Variants in LRRC4C observed in about 807,000 individuals in gnomAD.
LRRC4C encodes leucine rich repeat containing 4C.
In LRRC4C, 5 loss-of-function variants were observed where a neutral mutation model predicts 33.6. The observed-to-expected ratio is 0.15, with a 90% confidence interval of 0.08 to 0.31. LRRC4C has a LOEUF of 0.31. Ranked by LOEUF, LRRC4C falls within the 10% of genes least tolerant of loss-of-function variation. The probability of loss-of-function intolerance (pLI) is 1.00; values close to 1 mark genes in which losing one functional copy is unlikely to be tolerated. For synonymous variants in LRRC4C, 329 were observed against 302.0 expected (o/e 1.09, Z -0.93); for missense variants, 560 against 796.7 (o/e 0.70, Z 3.58).
chr11:41,125,938 C>T lies in LRRC4C; in HGVS notation c.-495-192215G>A, dbSNP rs151022254. ...CAAATAACATTGAAAATGTGATTTG[C>T]CTTTTGTGAGCTATGTAATGGGCAG... On this transcript the variant is annotated intron_variant, in intron 1 of 6. Coordinates refer to ENST00000528697, the MANE Select transcript of LRRC4C (RefSeq NM_001258419.2). 7.2e-5 allele frequency among the ~76,000 whole-genome samples: 11 copies of T among 151,970 alleles called. No individual in the cohort carries two copies. The East Asian group carries it at 1.2e-3, about 16-fold the overall frequency.
At chr11:40,730,535 G>A (rs769318506) in intron 2 of LRRC4C, among the ~76,000 whole-genome samples, 1 of 147,374 alleles carries the variant, frequency 6.8e-6, no homozygotes, top group Non-Finnish European at 1.5e-5. Context: ...GAGACTTAAA[G>A]GCAATAGATG....
intron 1 of LRRC4C, among the ~76,000 whole-genome samples, chr11:41,126,708 G>A (rs1201642923): frequency 6.6e-6 from 1 of 151,840 alleles, no homozygotes; most frequent in East Asian, 1.9e-4. Flanking sequence ...CTGATATATT[G>A]AGGCTTGATT....
intron 3 of LRRC4C, among the ~76,000 whole-genome samples, chr11:40,443,856 A>G (rs529376177): frequency 4.5e-4 from 68 of 152,340 alleles, no homozygotes; most frequent in African/African-American, 8.7e-4. Flanking sequence ...TCTAAACATC[A>G]TTAACCACCC....
At chr11:40,650,406 T>G (rs1418780773) in intron 2 of LRRC4C, among the ~76,000 whole-genome samples, 1 of 152,190 alleles carries the variant, frequency 6.6e-6, no homozygotes, top group African/African-American at 2.4e-5. Context: ...CTGTCTTTAC[T>G]TTCCTAACAA....
At chr11:40,126,735 C>T (rs974760180) in intron 6 of LRRC4C, among the ~76,000 whole-genome samples, 16 of 151,470 alleles carry the variant, frequency 1.1e-4, no homozygotes, top group African/African-American at 3.6e-4. Context: ...TCAGGGTGGG[C>T]AAATCACCTG....
chr11:40,303,484 C>T lies in LRRC4C; in HGVS notation c.-176+16144G>A, dbSNP rs532773496. ...CATAGGCTGCACGTTGTGGTTAGGC[C>T]TTTAAGGCAAGCTTATATTAGATTA... is the stretch of plus-strand genomic sequence containing the variant. On this transcript the variant is annotated intron_variant, in intron 4 of 6. Coordinates refer to ENST00000528697, the MANE Select transcript of LRRC4C (RefSeq NM_001258419.2). Among the ~76,000 whole-genome samples the T allele has an allele frequency of 4.8e-3, 736 of 152,188 alleles. 7 individuals are homozygous for T. The highest frequency in any genetic ancestry group is 0.017 in the African/African-American group (700 of 41,520).
At chr11:40,375,514 T>C (rs564784406) in intron 3 of LRRC4C, among the ~76,000 whole-genome samples, 1 of 152,258 alleles carries the variant, frequency 6.6e-6, no homozygotes, top group South Asian at 2.1e-4. Context: ...ATTAGTAAAA[T>C]GCAACCGCTT....
intron 5 of LRRC4C, among the ~76,000 whole-genome samples, chr11:40,183,603 G>T (rs1057018843): frequency 2.0e-5 from 3 of 152,152 alleles, no homozygotes; most frequent in Non-Finnish European, 4.4e-5. Flanking sequence ...TCTATAACAT[G>T]ATCAAGCTAG....
intron 5 of LRRC4C, among the ~76,000 whole-genome samples, chr11:40,154,911 A>G (rs1372147150): frequency 1.3e-5 from 2 of 152,168 alleles, no homozygotes; most frequent in Non-Finnish European, 2.9e-5. Context: ...CATTCTATTT[A>G]ACAGCACGTG....
intron 1 of LRRC4C, among the ~76,000 whole-genome samples, chr11:41,187,715 C>T (rs535275955): frequency 2.8e-4 from 43 of 152,316 alleles, no homozygotes; most frequent in Non-Finnish European, 5.9e-4. Context: ...GATGGCAAAA[C>T]TAAAAGAGCA....
chr11:41,276,544 A>C (rs1949491304), intron 1 of LRRC4C, among the ~76,000 whole-genome samples: 1 of 152,108 alleles, frequency 6.6e-6, no homozygotes, highest in South Asian at 2.1e-4. Flanking sequence ...TTATGTAACT[A>C]TCTGTATGAT....
At chr11:40,520,124 C>G (rs988465610) in intron 3 of LRRC4C, among the ~76,000 whole-genome samples, 1 of 152,194 alleles carries the variant, frequency 6.6e-6, no homozygotes, top group African/African-American at 2.4e-5. Flanking sequence ...TATGCTAAAT[C>G]TACTCTTCCC....
chr11:41,057,963 G>C (rs1858755453), intron 1 of LRRC4C, among the ~76,000 whole-genome samples: 1 of 152,138 alleles, frequency 6.6e-6, no homozygotes, highest in Non-Finnish European at 1.5e-5. Context: ...CCTCTGAGCT[G>C]TTCTATCACT....
chr11:41,361,418 C>T (rs943371243), intron 1 of LRRC4C, among the ~76,000 whole-genome samples: 10 of 152,176 alleles, frequency 6.6e-5, no homozygotes, highest in African/African-American at 2.4e-4. Context: ...TTCAACCACA[C>T]TACCAGAAGT....
intron 2 of LRRC4C, among the ~76,000 whole-genome samples, chr11:40,929,453 A>G (rs1957523680): frequency 6.6e-6 from 1 of 152,178 alleles, no homozygotes. Flanking sequence ...CAGTCAACTA[A>G]CCTCTAACAT....
intron 2 of LRRC4C, among the ~76,000 whole-genome samples, chr11:40,732,237 A>G (rs1947623605): frequency 6.6e-6 from 1 of 152,160 alleles, no homozygotes; most frequent in Non-Finnish European, 1.5e-5. Context: ...CACATTGCCA[A>G]CAGAAAAGAA....
At chr11:41,261,784 A>G (rs1431803144) in intron 1 of LRRC4C, among the ~76,000 whole-genome samples, 1 of 152,266 alleles carries the variant, frequency 6.6e-6, no homozygotes, top group Non-Finnish European at 1.5e-5. Flanking sequence ...AGGAAACAGC[A>G]TGATCAGCTG....
At chr11:40,990,166 T>G (rs1263237105) in intron 1 of LRRC4C, among the ~76,000 whole-genome samples, 1 of 145,642 alleles carries the variant, frequency 6.9e-6, no homozygotes, top group East Asian at 2.1e-4. Context: ...TTTACAGTAC[T>G]ACAACTGGAC....
intron 1 of LRRC4C, among the ~76,000 whole-genome samples, chr11:41,110,482 T>C (rs1349303489): frequency 6.6e-6 from 1 of 152,062 alleles, no homozygotes; most frequent in Non-Finnish European, 1.5e-5. Flanking sequence ...AGATAATAAA[T>C]ATTAGAAATG....
Sources: gnomAD v4.1 joint callset for allele counts (sites outside exome capture counted in the v4.1 genomes callset) on GRCh38, gnomAD v4.1.1 for gene constraint, MANE v1.5 for transcripts, NCBI Gene and HGNC (gene_info 2026-07-23, HGNC 2026-07-21) for gene names.